The following LRRC4C variants were observed in gnomAD, a reference collection of about 807,000 sequenced individuals.
The protein encoded by LRRC4C is leucine-rich repeat-containing protein 4C.
In LRRC4C, 5 loss-of-function variants were observed where a neutral mutation model predicts 33.6. The ratio of observed to expected loss-of-function variants is 0.15; its 90% confidence interval spans 0.08 to 0.31. The LOEUF is 0.31. Ranked by LOEUF, LRRC4C falls within the 10% of genes least tolerant of loss-of-function variation. The pLI, the probability that LRRC4C is intolerant of heterozygous loss-of-function variation, is 1.00. For missense variants in LRRC4C, 560 were observed against 796.7 expected, an observed-to-expected ratio of 0.70 and a Z score of 3.58; for synonymous variants, 329 against 302.0, an observed-to-expected ratio of 1.09 and a Z score of -0.93.
intron 6 of LRRC4C, among the ~76,000 whole-genome samples, chr11:40,139,165 A>G (rs1391734361): frequency 6.6e-6 from 1 of 152,136 alleles, no homozygotes; most frequent in Non-Finnish European, 1.5e-5. Context: ...GGAGGGTTAA[A>G]GGAAGAAAAG....
chr11:41,167,753 A>T (rs1487469152), intron 1 of LRRC4C, among the ~76,000 whole-genome samples: 2 of 152,184 alleles, frequency 1.3e-5, no homozygotes, highest in African/African-American at 4.8e-5. Flanking sequence ...CTGCCAATAA[A>T]AAAATCATGA....
intron 3 of LRRC4C, among the ~76,000 whole-genome samples, chr11:40,483,864 T>G (rs2138431454): frequency 6.6e-6 from 1 of 151,752 alleles, no homozygotes. Context: ...ATCCAACACT[T>G]AAGTAGAACT....
intron 3 of LRRC4C, among the ~76,000 whole-genome samples, chr11:40,371,299 G>A (rs1948438185): frequency 6.6e-6 from 1 of 151,790 alleles, no homozygotes; most frequent in African/African-American, 2.4e-5. Context: ...TTCCAGCTGG[G>A]TATAATATAT....
At chr11:40,508,494 A>G (rs1565458033) in intron 3 of LRRC4C, among the ~76,000 whole-genome samples, 1 of 151,834 alleles carries the variant, frequency 6.6e-6, no homozygotes, top group Admixed American at 6.5e-5. Context: ...CCTAAGATGA[A>G]AAAAAAACCT....
chr11:40,391,318 A>C (rs1318179951), intron 3 of LRRC4C, among the ~76,000 whole-genome samples: 1 of 152,174 alleles, frequency 6.6e-6, no homozygotes, highest in Non-Finnish European at 1.5e-5. Context: ...AGCTCACCAG[A>C]TTGATAATTT....
At chr11:41,195,091 T>C (rs992162255) in intron 1 of LRRC4C, among the ~76,000 whole-genome samples, 2 of 152,072 alleles carry the variant, frequency 1.3e-5, no homozygotes, top group Non-Finnish European at 2.9e-5. Context: ...AGAGACCTGC[T>C]TCAGACATAG....
chr11:40,748,224 T>A (rs367602148), intron 2 of LRRC4C, among the ~76,000 whole-genome samples: 1 of 152,058 alleles, frequency 6.6e-6, no homozygotes, highest in East Asian at 1.9e-4. Context: ...AGGAGAAACT[T>A]TTCAGGTCAG....
intron 3 of LRRC4C, among the ~76,000 whole-genome samples, chr11:40,427,096 G>T (rs1297245502): frequency 2.0e-5 from 3 of 152,126 alleles, no homozygotes; most frequent in Non-Finnish European, 2.9e-5. Flanking sequence ...GAAGAGACAG[G>T]AAAAACATGA....
intron 4 of LRRC4C, among the ~76,000 whole-genome samples, chr11:40,302,076 CTG>C (rs1449182524): frequency 6.6e-6 from 1 of 152,140 alleles, no homozygotes; most frequent in Non-Finnish European, 1.5e-5. Flanking sequence ...CCATCAAAAA[CTG>C]TGTTAGTTTT....
rs1357587826 is a variant in LRRC4C at position 41,415,054 on chromosome 11, A to G, written c.-496+44377T>C. ...CCTATTTAGACACAATCTTCTTTCC[A>G]CATACAGTGCATCTGCTGGAAATTA... On this transcript the variant is annotated intron_variant, in intron 1 of 6. Transcript: ENST00000528697. Among the ~76,000 whole-genome samples the G allele has an allele frequency of 3.3e-5, 5 of 152,278 alleles. No homozygotes were observed. In the East Asian group the frequency reaches 9.7e-4, roughly 29 times the overall value.
chr11:41,037,177 A>C lies in LRRC4C; in HGVS notation c.-495-103454T>G, dbSNP rs143115516. 1.7e-3 allele frequency among the ~76,000 whole-genome samples: 260 copies of C among 151,964 alleles called. 1 individual carries two copies. Among genetic ancestry groups the C allele is most frequent in the African/African-American group, 5.9e-3 (245 of 41,426 alleles). ...GTACAAGAGAAACAAAATATTATCT[A>C]CTCGTTGCATTATAAATTAAATTAG... On this transcript the variant is annotated intron_variant, in intron 1 of 6. Transcript: ENST00000528697.
chr11:40,640,597 T>A (rs1293028073), intron 3 of LRRC4C, among the ~76,000 whole-genome samples: 1 of 152,132 alleles, frequency 6.6e-6, no homozygotes, highest in Admixed American at 6.5e-5. Context: ...ACCAAAAAAT[T>A]GTTTTTTATT....
intron 4 of LRRC4C, among the ~76,000 whole-genome samples, chr11:40,252,606 G>C (rs1815208456): frequency 6.6e-6 from 1 of 152,154 alleles, no homozygotes; most frequent in Non-Finnish European, 1.5e-5. Context: ...TTTCTGTGTG[G>C]AGCAGAGATA....
At chr11:40,116,365 T>C in intron 6 of LRRC4C, 31 bp from the exon 7 acceptor site, 1 of 1,512,898 alleles carries the variant, frequency 6.6e-7, no homozygotes, top group Non-Finnish European at 8.8e-7. Flanking sequence ...AAACCAATTA[T>C]TAGATTAGAT....
intron 2 of LRRC4C, among the ~76,000 whole-genome samples, chr11:40,734,748 T>C (rs956604706): frequency 6.6e-6 from 1 of 152,146 alleles, no homozygotes; most frequent in Admixed American, 6.6e-5. Flanking sequence ...TCTCCAAGGA[T>C]AATCCTGAAC....
chr11:40,750,026 G>T (rs1948604627), intron 2 of LRRC4C, among the ~76,000 whole-genome samples: 1 of 152,034 alleles, frequency 6.6e-6, no homozygotes, highest in Non-Finnish European at 1.5e-5. Context: ...ACAGTGACCA[G>T]CCTGGCCAAC....
In LRRC4C at chr11:41,013,485, C is replaced by A. The variant is rs144090419; in HGVS notation, c.-495-79762G>T. Among the ~76,000 whole-genome samples the A allele has an allele frequency of 1.7e-3, 262 of 152,232 alleles. 1 individual carries two copies. Among genetic ancestry groups the A allele is most frequent in the African/African-American group, 5.9e-3 (247 of 41,550 alleles). ...TGATAAAACTAATCTGTGAGGCTAG[C>A]GCTGACGTATGTTCCTTATAGACAC... On this transcript the variant is annotated intron_variant, in intron 1 of 6. Coordinates refer to ENST00000528697, the MANE Select transcript of LRRC4C (RefSeq NM_001258419.2).
At chr11:41,368,492 A>T (rs1952625713) in intron 1 of LRRC4C, among the ~76,000 whole-genome samples, 1 of 152,200 alleles carries the variant, frequency 6.6e-6, no homozygotes, top group African/African-American at 2.4e-5. Context: ...CTTATTAACA[A>T]AACTGAATTA....
intron 4 of LRRC4C, among the ~76,000 whole-genome samples, chr11:40,294,989 A>G (rs963324332): frequency 2.6e-5 from 4 of 152,180 alleles, no homozygotes; most frequent in African/African-American, 9.6e-5. Context: ...CAGCCTATGC[A>G]GTGTTGCAGT....
Sources: allele counts gnomAD v4.1 joint callset (sites outside exome capture counted in the v4.1 genomes callset), GRCh38; gene constraint gnomAD v4.1.1; transcripts MANE v1.5; gene names NCBI Gene and HGNC (gene_info 2026-07-23, HGNC 2026-07-21).